TTN: variants seen among roughly 807,000 people sequenced by gnomAD.
TTN encodes the protein connectin.
A neutral mutation model predicts 3,223.0 loss-of-function variants in TTN; 1,525 were observed. That is an observed-to-expected ratio of 0.47 (90% CI 0.45 to 0.49). TTN has a LOEUF of 0.49. TTN is among the 20% of genes least tolerant of loss of function. TTN has a pLI of 0.00. For synonymous variants in TTN, 14,094 were observed against 15,161.0 expected (o/e 0.93, Z 5.17); for missense variants, 40,786 against 43,424.0 (o/e 0.94, Z 5.40).
In TTN at chr2:178,563,413, G is replaced by A. The variant is rs1704405981; in HGVS notation, c.82719C>T (p.Pro27573=). ...TGTCCGTCACTTTTGGATTGCTTGG[G>A]GGACCTGGTGGATACAAGGCATCAC... ...RACDALYPPG[P]PSNPKVTDTS... is the part of the protein sequence containing the mutation. The change falls in exon 326 of 363, where the codon CCC becomes CCT. Residue 27573 remains proline, a synonymous_variant. Coordinates refer to ENST00000589042, the MANE Select transcript of TTN (RefSeq NM_001267550.2). This position sits in a 1 kb window ranked among gnomAD's most constrained non-coding sequence, Gnocchi z 4.5. The A allele has an allele frequency of 6.2e-7, 1 of 1,613,388 alleles. No homozygotes were observed. Among genetic ancestry groups the A allele is most frequent in the South Asian group, 1.1e-5 (1 of 91,080 alleles).
In TTN at chr2:178,613,766, T is replaced by C. The variant is rs1206461113; in HGVS notation, c.49517A>G (p.Lys16506Arg). 1.2e-6 allele frequency: 2 copies of C among 1,612,262 alleles called. No individual in the cohort carries two copies. Among genetic ancestry groups the C allele is most frequent in the Admixed American group, 1.7e-5 (1 of 59,950 alleles). Residue 16506 changes from lysine to arginine, a missense_variant, in exon 263 of 363, where the codon AAG becomes AGG. Physicochemically the swap from Lys to Arg is conservative, Grantham distance 26. Coordinates refer to ENST00000589042, the MANE Select transcript of TTN (RefSeq NM_001267550.2). ...CTGAGCATACCTGTATGTTGTGTCCTTTACTGGCATCTTATTGCATCTAAC... is the reference window on the plus strand; with the variant it reads ...CTGAGCATACCTGTATGTTGTGTCCCTTACTGGCATCTTATTGCATCTAAC... ...KWVRCNKMPVKDTTYRVKGLT... is the reference protein window; with the variant it reads ...KWVRCNKMPVRDTTYRVKGLT...
Position 178,634,051 on chromosome 2 carries a change from C to T in TTN, c.42448G>A (p.Asp14150Asn), listed in dbSNP as rs1184338421. ...IRLKFMSPLE[D>N]QTVKEGETAT... ...GTTTCACCTTCTTTTACTGTTTGATCTTCAAGAGGTGACATGAATTTCAGT... is the reference window on the plus strand; with the variant it reads ...GTTTCACCTTCTTTTACTGTTTGATTTTCAAGAGGTGACATGAATTTCAGT... Residue 14150 changes from aspartate to asparagine, a missense_variant, in exon 231 of 363, where the codon GAT becomes AAT. Asp to Asn is a conservative substitution (Grantham distance 23, BLOSUM62 1). Coordinates refer to ENST00000589042, the MANE Select transcript of TTN (RefSeq NM_001267550.2). The surrounding 1 kb of genome is among the most constrained non-coding windows in gnomAD (Gnocchi z 4.6). 6.2e-7 allele frequency: 1 copy of T among 1,613,060 alleles called. No individual in the cohort carries two copies. The highest frequency in any genetic ancestry group is 8.5e-7 in the Non-Finnish European group (1 of 1,179,410).
At chr2:178,598,715 G>C in intron 291 of TTN, 33 bp downstream of exon 291, 1 of 1,602,266 alleles carries the variant, frequency 6.2e-7, no homozygotes, top group Non-Finnish European at 8.5e-7. Flanking sequence ...TGGAAAATAA[G>C]ATTTAAAAAA....
chr2:178,608,738 G>A lies in TTN; in HGVS notation c.52273C>T (p.Leu17425Phe). The change falls in exon 274 of 363, where the codon CTT becomes TTT. Residue 17425 changes from leucine (L) to phenylalanine (F), a missense_variant. Leu to Phe is a conservative substitution (Grantham distance 22). Coordinates refer to ENST00000589042, the MANE Select transcript of TTN (RefSeq NM_001267550.2). The part of the protein sequence containing the change: ...DSEWIVVTST[L>F]RHCKYSVTKL... Reference sequence around the variant, plus strand: ...GTTACTGAATATTTGCAATGTCTAAGTGTTGAAGTGACAACAATCCATTCT... The same window carrying A: ...GTTACTGAATATTTGCAATGTCTAAATGTTGAAGTGACAACAATCCATTCT... 5 of 1,612,648 alleles carry A rather than the reference G, an allele frequency of 3.1e-6. No homozygotes were observed. The South Asian group carries it at 3.3e-5, about 11-fold the overall frequency.
chr2:178,664,144 C>T (rs756778092), intron 168 of TTN, 46 bp from the exon 169 acceptor site: 40 of 1,525,998 alleles, frequency 2.6e-5, no homozygotes, highest in Non-Finnish European at 3.3e-5. Context: ...ACAGAGATTA[C>T]TAGATAGATA....
Position 178,653,420 on chromosome 2 carries a change from C to A in TTN, c.38707+7G>T, listed in dbSNP as rs752801232. The A allele has an allele frequency of 1.3e-5, 21 of 1,592,824 alleles. No individual in the cohort carries two copies. Among genetic ancestry groups the A allele is most frequent in the East Asian group, 9.0e-5 (4 of 44,534 alleles). On this transcript the variant is annotated splice_region_variant and intron_variant, in intron 197 of 362. Transcript: ENST00000589042. ...TCTTCTGAAGCTTAAGGTCAAATGACAAGTACCTGTAACAGGTGGAACTTC... is the reference window on the plus strand; with the variant it reads ...TCTTCTGAAGCTTAAGGTCAAATGAAAAGTACCTGTAACAGGTGGAACTTC...
Position 178,528,791 on chromosome 2 carries a change from C to T in TTN, c.106960G>A (p.Gly35654Ser). Residue 35654 changes from glycine to serine, a missense_variant, in exon 360 of 363, where the codon GGT (glycine) becomes AGT (serine). Physicochemically the swap from Gly to Ser is moderately conservative, Grantham distance 56 (BLOSUM62 0). Coordinates refer to ENST00000589042, the MANE Select transcript of TTN (RefSeq NM_001267550.2). ...AGGGTCTGATCGCTGCCTGAGACAC[C>T]ATATCGGTACTCCTCAGAGTTGGTA... ...ELTNSEEYRY[G>S]VSGSDQTLTI... 6.2e-7 allele frequency: 1 copy of T among 1,612,854 alleles called. No homozygotes were observed. The highest frequency in any genetic ancestry group is 8.5e-7 in the Non-Finnish European group (1 of 1,179,014).
rs185913848 is a variant in TTN at position 178,607,566 on chromosome 2, T to C, written c.53122A>G (p.Lys17708Glu). 1,150 of 1,613,236 alleles carry C rather than the reference T, an allele frequency of 7.1e-4. 1 individual carries two copies. Among genetic ancestry groups the C allele is most frequent in the Non-Finnish European group, 9.0e-4 (1,057 of 1,179,396 alleles). ...GRPVPTKVWT[K>E]EEGELDKDRV... ...TCTTTATCCAGCTCCCCTTCTTCTT[T>C]GGTCCATACTTTTGTAGGTACAGGG... The change falls in exon 277 of 363, where the codon AAA becomes GAA. Residue 17708 changes from lysine to glutamate, a missense_variant. By Grantham distance (56) the Lys-to-Glu change is moderately conservative. Coordinates refer to ENST00000589042, the MANE Select transcript of TTN (RefSeq NM_001267550.2).
At chr2:178,753,301 C>A in intron 46 of TTN, 121 bp from the exon 47 acceptor site, 2 of 714,592 alleles carry the variant, frequency 2.8e-6, no homozygotes, top group Admixed American at 2.7e-5. Context: ...CTACATTCCC[C>A]AAATTTACCA....
Position 178,530,638 on chromosome 2 carries a change from A to G in TTN, c.105977T>C (p.Leu35326Pro). The G allele has an allele frequency of 6.2e-7, 1 of 1,613,974 alleles. No homozygotes were observed. The highest frequency in any genetic ancestry group is 8.5e-7 in the Non-Finnish European group (1 of 1,179,880). The change falls in exon 358 of 363, where the codon CTG becomes CCG. Residue 35326 changes from leucine to proline, a missense_variant. By Grantham distance (98) the Leu-to-Pro change is moderately conservative. Transcript: ENST00000589042. ...EVTWYKDGKK[L>P]KENGHFQFHY... ...AAACTGGAAATGCCCATTTTCCTTCAGTTTCTTGCCATCTTTATACCAGGT... is the reference window on the plus strand; with the variant it reads ...AAACTGGAAATGCCCATTTTCCTTCGGTTTCTTGCCATCTTTATACCAGGT...
chr2:178,725,317 A>AATTCATT, intron 71 of TTN, 51 bp downstream of exon 71: 1 of 1,419,440 alleles, frequency 7.0e-7, no homozygotes, highest in Non-Finnish European at 9.2e-7. Flanking sequence ...AACTCTTAGT[A>AATTCATT]ATTCATTCCA....
chr2:178,773,079 G>T (rs368320232), intron 33 of TTN, 30 bp downstream of exon 33: 3 of 1,612,998 alleles, frequency 1.9e-6, no homozygotes, highest in Non-Finnish European at 1.7e-6. Context: ...ATCACTCCTC[G>T]TAAGAATTTA....
rs2046796837 is a variant in TTN at position 178,577,938 on chromosome 2, T to G, written c.68528-40A>C. The G allele has an allele frequency of 3.1e-6, 5 of 1,591,288 alleles. No individual in the cohort carries two copies. The East Asian group carries it at 1.1e-4, about 36-fold the overall frequency. ...CAAAACCAGTCAAACAAATACCAGT[T>G]TTCTTCATGTAAAACATGCACCTGG... On this transcript the variant is annotated intron_variant, in intron 322 of 362. Coordinates refer to ENST00000589042, the MANE Select transcript of TTN (RefSeq NM_001267550.2).
rs758745049 is a variant in TTN, at chr2:178,720,248, C to A, written c.23394G>T (p.Val7798=). 4 of 1,610,160 alleles carry A rather than the reference C, an allele frequency of 2.5e-6. No homozygotes were observed. The highest frequency in any genetic ancestry group is 1.6e-4 in the Middle Eastern group (1 of 6,064). The part of the protein sequence containing the change: ...SVKFKEPPRF[V]KKLSDTSTLI... ...GGGTTGAGGTGTCACTTAGCTTTTT[C>A]ACGAATCGTGGAGGTTCTGATGAAA... The change falls in exon 81 of 363, where the codon GTG becomes GTT. Residue 7798 remains valine, a synonymous_variant. Coordinates refer to ENST00000589042, the MANE Select transcript of TTN (RefSeq NM_001267550.2).
chr2:178,571,063 C>T lies in TTN; in HGVS notation c.75069G>A (p.Val25023=). The T allele has an allele frequency of 6.2e-7, 1 of 1,612,606 alleles. No homozygotes were observed. Among genetic ancestry groups the T allele is most frequent in the Non-Finnish European group, 8.5e-7 (1 of 1,178,906 alleles). ...AGGTGGGTTTCTTCCACTGAAGAGT[C>T]ACAGAATTCCTTGTGACAATGATTG... ...PEAIIVTRNS[V]TLQWKKPTYD... The change falls in exon 326 of 363, where the codon GTG becomes GTA. Residue 25023 remains valine, a synonymous_variant. Coordinates refer to ENST00000589042, the MANE Select transcript of TTN (RefSeq NM_001267550.2).
chr2:178,565,734 T>A lies in TTN; in HGVS notation c.80398A>T (p.Met26800Leu). The change falls in exon 326 of 363, where the codon ATG (methionine) becomes TTG (leucine). Residue 26800 changes from methionine (M) to leucine (L), a missense_variant. Met to Leu is a conservative substitution (Grantham distance 15). Transcript: ENST00000589042. ...CCATCATGTTCAGGTTTCTCCCACA[T>A]AAGTGATGCACTGGTCTGGGACACA... ...TDVSQTSASL[M>L]WEKPEHDGGS... is the part of the protein sequence containing the mutation. The A allele has an allele frequency of 6.2e-7, 1 of 1,613,586 alleles. No individual in the cohort carries two copies. Among genetic ancestry groups the A allele is most frequent in the Non-Finnish European group, 8.5e-7 (1 of 1,179,614 alleles).
chr2:178,558,902 G>A (rs1467857618), intron 326 of TTN: 40 of 445,564 alleles, frequency 9.0e-5, no homozygotes, highest in South Asian at 3.3e-4. Context: ...TTCACCATGG[G>A]GATAAAAAAG....
At chr2:178,780,833 T>A (rs923001476) in intron 21 of TTN, among the ~76,000 whole-genome samples, 1 of 152,210 alleles carries the variant, frequency 6.6e-6, no homozygotes, top group Non-Finnish European at 1.5e-5. Context: ...GTTACCTGCC[T>A]GGGCCTGGAA....
intron 240 of TTN, among the ~76,000 whole-genome samples, chr2:178,625,624 C>T (rs2058918618): frequency 6.6e-6 from 1 of 151,790 alleles, no homozygotes; most frequent in Non-Finnish European, 1.5e-5. Flanking sequence ...GCACAATGTG[C>T]AGGTTAGTTA....
Sources: allele counts gnomAD v4.1 joint callset (sites outside exome capture counted in the v4.1 genomes callset), GRCh38; gene constraint gnomAD v4.1.1; non-coding constraint Gnocchi (gnomAD v3.1); transcripts MANE v1.5; gene names NCBI Gene and HGNC (gene_info 2026-07-23, HGNC 2026-07-21).